ABCD3: variants seen among roughly 807,000 people sequenced by gnomAD.
The protein encoded by ABCD3 is ATP binding cassette subfamily D member 3.
ABCD3 carries 41 observed loss-of-function variants against 105.5 expected under a neutral mutation model. That is an observed-to-expected ratio of 0.39 (90% CI 0.30 to 0.50). The LOEUF (loss-of-function observed/expected upper bound fraction) is 0.50. ABCD3 is among the 20% of genes least tolerant of loss of function. The pLI is 0.84. For synonymous variants in ABCD3, 258 were observed against 269.0 expected, an observed-to-expected ratio of 0.96 and a Z score of 0.40; for missense variants, 622 against 806.3, an observed-to-expected ratio of 0.77 and a Z score of 2.77.
the ABCD3 span, among the ~76,000 whole-genome samples, chr1:94,392,666 T>C: frequency 6.6e-6 from 1 of 152,140 alleles, no homozygotes; most frequent in East Asian, 1.9e-4. Context: ...GCGGGTTCAA[T>C]GGAAGAGGGT....
chr1:94,405,433 C>T, the ABCD3 span, among the ~76,000 whole-genome samples: 1 of 151,958 alleles, frequency 6.6e-6, no homozygotes, highest in Non-Finnish European at 1.5e-5. Context: ...GCCTCAGCCT[C>T]CCGAGTAGCT....
upstream of ABCD3, among the ~76,000 whole-genome samples, chr1:94,416,613 C>T (rs1482291432): frequency 1.3e-5 from 2 of 152,190 alleles, no homozygotes; most frequent in African/African-American, 2.4e-5. Flanking sequence ...GTCTCTCAGT[C>T]CCGTATTTCC....
At chr1:94,409,922 C>T in the ABCD3 span, among the ~76,000 whole-genome samples, 24 of 152,162 alleles carry the variant, frequency 1.6e-4, no homozygotes, top group Non-Finnish European at 2.6e-4. Context: ...AAGATGGGAA[C>T]GGTGCTACTG....
chr1:94,467,604 G>A (rs1648213955), intron 3 of ABCD3, among the ~76,000 whole-genome samples: 1 of 152,080 alleles, frequency 6.6e-6, no homozygotes, highest in Non-Finnish European at 1.5e-5. Flanking sequence ...CTATGATCTA[G>A]GTAATCTAAG....
intron 20 of ABCD3, among the ~76,000 whole-genome samples, chr1:94,504,991 C>A (rs1269467809): frequency 2.6e-5 from 4 of 151,986 alleles, no homozygotes; most frequent in African/African-American, 9.7e-5. Context: ...AGGACCAGAC[C>A]AGGGAGGACT....
intron 20 of ABCD3, among the ~76,000 whole-genome samples, chr1:94,500,951 AAG>A (rs1557689259): frequency 2.0e-5 from 3 of 152,180 alleles, no homozygotes; most frequent in African/African-American, 7.2e-5. Context: ...AACTGCAAAA[AAG>A]AGCTGCAAAA....
At position 94,506,590 on chromosome 1, in the gene ABCD3, C is replaced by T. The variant is rs758431209; in HGVS notation, c.1793C>T (p.Thr598Ile). 1 of 1,613,098 alleles carries T rather than the reference C, an allele frequency of 6.2e-7. No homozygotes were observed. Among genetic ancestry groups the T allele is most frequent in the Non-Finnish European group, 8.5e-7 (1 of 1,179,366 alleles). The change falls in exon 21 of 23, where the codon ACA (threonine) becomes ATA (isoleucine). Residue 598 changes from threonine (T) to isoleucine (I), a missense_variant. Physicochemically the swap from Thr to Ile is moderately conservative, Grantham distance 89. Transcript: ENST00000370214. Reference protein sequence around the residue: ...KPQFAILDECTSAVSVDVEGY... With the variant: ...KPQFAILDECISAVSVDVEGY... ...CAGTTTGCCATTTTGGATGAATGCA[C>T]AAGTGCAGTTAGTGTCGACGTGGAA...
chr1:94,406,388 C>A, the ABCD3 span: 150 of 244,900 alleles, frequency 6.1e-4, no homozygotes, highest in African/African-American at 3.6e-3. Context: ...TGTTGTTTTA[C>A]ACTTACTATG....
chr1:94,463,346 A>T (rs1647969457), intron 2 of ABCD3, among the ~76,000 whole-genome samples: 1 of 152,154 alleles, frequency 6.6e-6, no homozygotes, highest in Non-Finnish European at 1.5e-5. Context: ...CTTATTTCTT[A>T]GGATTATGTC....
At chr1:94,477,166 C>T (rs1648785142) in intron 7 of ABCD3, among the ~76,000 whole-genome samples, 1 of 119,746 alleles carries the variant, frequency 8.4e-6, no homozygotes, top group South Asian at 2.8e-4. Flanking sequence ...TTATTTTTGT[C>T]ATAAGTTTTA....
At chr1:94,510,148 C>T (rs1028567864) in intron 21 of ABCD3, among the ~76,000 whole-genome samples, 7 of 152,122 alleles carry the variant, frequency 4.6e-5, no homozygotes, top group African/African-American at 1.7e-4. Flanking sequence ...TTTCCCTCTA[C>T]ACACTGCTTT....
upstream of ABCD3, among the ~76,000 whole-genome samples, chr1:94,417,810 A>G (rs968656526): frequency 6.6e-6 from 1 of 152,216 alleles, no homozygotes; most frequent in South Asian, 2.1e-4. Flanking sequence ...TACCAAACCA[A>G]TTTCACAATG....
chr1:94,393,556 T>C, the ABCD3 span, among the ~76,000 whole-genome samples: 2 of 151,948 alleles, frequency 1.3e-5, no homozygotes, highest in Non-Finnish European at 1.5e-5. Flanking sequence ...GGAGAATCGC[T>C]TGAACCTGGG....
chr1:94,429,069 G>C (rs1428967711), intron 1 of ABCD3, among the ~76,000 whole-genome samples: 2 of 152,168 alleles, frequency 1.3e-5, no homozygotes, highest in Non-Finnish European at 2.9e-5. Flanking sequence ...TGAGGAACTT[G>C]TTGGGAACTG....
chr1:94,388,350 T>C, the ABCD3 span, among the ~76,000 whole-genome samples: 1 of 152,206 alleles, frequency 6.6e-6, no homozygotes, highest in Non-Finnish European at 1.5e-5. Context: ...AGATTATGAA[T>C]GATTGATGCA....
chr1:94,442,502 A>G (rs371631856), intron 1 of ABCD3, among the ~76,000 whole-genome samples: 5 of 152,308 alleles, frequency 3.3e-5, no homozygotes, highest in South Asian at 2.1e-4. Flanking sequence ...TTTAGGAGGT[A>G]TAAGTGCAGA....
chr1:94,474,634 A>G (rs1648643560), intron 5 of ABCD3, among the ~76,000 whole-genome samples: 1 of 152,156 alleles, frequency 6.6e-6, no homozygotes, highest in South Asian at 2.1e-4. Flanking sequence ...ACCACTTGAG[A>G]AAATTTGTAA....
At chr1:94,473,905 T>C in intron 5 of ABCD3, 70 bp downstream of exon 5, 1 of 1,242,348 alleles carries the variant, frequency 8.0e-7, no homozygotes, top group Non-Finnish European at 1.2e-6. Flanking sequence ...TTAAGGGTTT[T>C]ACTTATTAAA....
intron 10 of ABCD3, among the ~76,000 whole-genome samples, chr1:94,485,574 A>C (rs1649240771): frequency 6.6e-6 from 1 of 152,032 alleles, no homozygotes; most frequent in African/African-American, 2.4e-5. Context: ...CATCCTTTAG[A>C]TTTTCAGCCC....
Sources: allele counts gnomAD v4.1 joint callset (sites outside exome capture counted in the v4.1 genomes callset), GRCh38; gene constraint gnomAD v4.1.1; transcripts MANE v1.5; gene names NCBI Gene and HGNC (gene_info 2026-07-23, HGNC 2026-07-21).